CDH18: variants seen among roughly 807,000 people sequenced by gnomAD.
CDH18 encodes cadherin 18, also known as cadherin-18.
In CDH18, 31 loss-of-function variants were observed where a neutral mutation model predicts 67.9. The observed-to-expected ratio is 0.46, with a 90% confidence interval of 0.34 to 0.62. The LOEUF (loss-of-function observed/expected upper bound fraction) is 0.62, where lower values mean the gene tolerates loss of function less well. CDH18 is among the 20% of genes least tolerant of loss of function. The probability of loss-of-function intolerance (pLI) is 0.01; values close to 1 mark genes in which losing one functional copy is unlikely to be tolerated. For synonymous variants in CDH18, 362 were observed against 347.2 expected (o/e 1.04, Z -0.48); for missense variants, 890 against 975.5 (o/e 0.91, Z 1.17).
At chr5:20,313,777 G>T (rs1001920734) in intron 1 of CDH18, among the ~76,000 whole-genome samples, 5 of 151,834 alleles carry the variant, frequency 3.3e-5, no homozygotes, top group African/African-American at 9.7e-5. Context: ...CTAGATATAT[G>T]AATTTGTAGT....
intron 8 of CDH18, among the ~76,000 whole-genome samples, chr5:19,558,937 G>A (rs571180145): frequency 4.4e-4 from 67 of 152,132 alleles, no homozygotes; most frequent in Non-Finnish European, 2.5e-4. Context: ...TATATTTCCA[G>A]GAATGTATCC....
At chr5:19,959,718 T>C (rs1796602726) in intron 2 of CDH18, among the ~76,000 whole-genome samples, 2 of 152,102 alleles carry the variant, frequency 1.3e-5, no homozygotes, top group Admixed American at 1.3e-4. Context: ...CATGCATCCC[T>C]TAATGACAGG....
chr5:19,497,429 A>G (rs1177931655), intron 11 of CDH18, among the ~76,000 whole-genome samples: 1 of 152,194 alleles, frequency 6.6e-6, no homozygotes, highest in African/African-American at 2.4e-5. Context: ...CACATGTCAC[A>G]GTAATAAAAC....
chr5:20,139,835 T>C (rs1750082874), intron 2 of CDH18, among the ~76,000 whole-genome samples: 2 of 152,146 alleles, frequency 1.3e-5, no homozygotes, highest in South Asian at 2.1e-4. Context: ...CTGGAGAGGA[T>C]GTGGAGAAAT....
At chr5:19,866,069 G>T (rs1395152002) in intron 2 of CDH18, among the ~76,000 whole-genome samples, 1 of 152,028 alleles carries the variant, frequency 6.6e-6, no homozygotes, top group African/African-American at 2.4e-5. Context: ...AACAACAAAA[G>T]CCCTGCTCAT....
chr5:20,533,929 A>G (rs1339485361), intron 1 of CDH18, among the ~76,000 whole-genome samples: 2 of 152,184 alleles, frequency 1.3e-5, no homozygotes, highest in South Asian at 4.1e-4. Flanking sequence ...TTACTTTAAA[A>G]TGTCACAGAT....
At chr5:20,016,598 C>T (rs894123069) in intron 2 of CDH18, among the ~76,000 whole-genome samples, 1 of 152,136 alleles carries the variant, frequency 6.6e-6, no homozygotes, top group African/African-American at 2.4e-5. Context: ...AATAATTCAG[C>T]ATTGCATAGT....
At chr5:20,454,828 T>C (rs1213520981) in intron 1 of CDH18, among the ~76,000 whole-genome samples, 1 of 152,104 alleles carries the variant, frequency 6.6e-6, no homozygotes, top group African/African-American at 2.4e-5. Flanking sequence ...ATAGATACAT[T>C]GAGCTAGTGA....
intron 5 of CDH18, among the ~76,000 whole-genome samples, chr5:19,615,035 T>C (rs1038361076): frequency 1.3e-5 from 2 of 151,806 alleles, no homozygotes; most frequent in African/African-American, 4.8e-5. Flanking sequence ...TAGTCCCAGC[T>C]ACTCAGGAGG....
chr5:19,882,701 C>T (rs1787781054), intron 2 of CDH18, among the ~76,000 whole-genome samples: 1 of 152,006 alleles, frequency 6.6e-6, no homozygotes, highest in African/African-American at 2.4e-5. Flanking sequence ...GATACCAAAC[C>T]TTAGAAAGAA....
intron 2 of CDH18, among the ~76,000 whole-genome samples, chr5:20,019,428 C>T (rs572232243): frequency 6.6e-6 from 1 of 152,018 alleles, no homozygotes; most frequent in African/African-American, 2.4e-5. Context: ...CAAATTGTAA[C>T]CCCCCAATGT....
chr5:20,115,668 A>G (rs1747846768), intron 2 of CDH18, among the ~76,000 whole-genome samples: 1 of 152,084 alleles, frequency 6.6e-6, no homozygotes, highest in East Asian at 1.9e-4. Context: ...TTCGGTCTAC[A>G]ATGAGGAGTA....
chr5:19,935,419 G>T lies in CDH18; in HGVS notation c.-257+45641C>A, dbSNP rs995843663. On this transcript the variant is annotated intron_variant, in intron 2 of 12. Transcript: ENST00000382275. ...CCTATAAGATTTTGCTATTAATACAGTATTTTAATGTACACACTTTTTCTA... is the reference window on the plus strand; with the variant it reads ...CCTATAAGATTTTGCTATTAATACATTATTTTAATGTACACACTTTTTCTA... 1.8e-4 allele frequency among the ~76,000 whole-genome samples: 27 copies of T among 151,208 alleles called. 1 individual carries two copies. Among genetic ancestry groups the T allele is most frequent in the African/African-American group, 6.5e-4 (27 of 41,332 alleles).
intron 2 of CDH18, among the ~76,000 whole-genome samples, chr5:20,112,981 C>T (rs1324334514): frequency 6.6e-6 from 1 of 152,124 alleles, no homozygotes; most frequent in Admixed American, 6.5e-5. Flanking sequence ...AATTAAAATT[C>T]TCATGAAAAG....
chr5:19,827,907 C>T (rs1239407304), intron 3 of CDH18, among the ~76,000 whole-genome samples: 1 of 151,950 alleles, frequency 6.6e-6, no homozygotes, highest in African/African-American at 2.4e-5. Context: ...ATGTGACACG[C>T]CATACAAAAC....
At chr5:19,593,128 A>G (rs1745450369) in intron 6 of CDH18, among the ~76,000 whole-genome samples, 1 of 152,174 alleles carries the variant, frequency 6.6e-6, no homozygotes, top group South Asian at 2.1e-4. Flanking sequence ...CAATAAACAT[A>G]GGAATGCTAA....
chr5:20,154,163 A>C (rs1054351405), intron 2 of CDH18, among the ~76,000 whole-genome samples: 3 of 152,164 alleles, frequency 2.0e-5, no homozygotes, highest in African/African-American at 7.2e-5. Flanking sequence ...GTTAATGACT[A>C]TATCTCCTAT....
intron 2 of CDH18, among the ~76,000 whole-genome samples, chr5:19,956,555 T>C (rs933351643): frequency 6.6e-6 from 1 of 151,448 alleles, no homozygotes; most frequent in Non-Finnish European, 1.5e-5. Flanking sequence ...AGTGATAATT[T>C]ACATTCAATA....
chr5:20,551,649 A>G (rs2044800585), intron 1 of CDH18, among the ~76,000 whole-genome samples: 1 of 152,166 alleles, frequency 6.6e-6, no homozygotes, highest in African/African-American at 2.4e-5. Flanking sequence ...TGAGTTGGTT[A>G]TTACATTATA....
Sources: gnomAD v4.1 joint callset for allele counts (sites outside exome capture counted in the v4.1 genomes callset) on GRCh38, gnomAD v4.1.1 for gene constraint, MANE v1.5 for transcripts, NCBI Gene and HGNC (gene_info 2026-07-23, HGNC 2026-07-21) for gene names.